Variants in CLNK observed in about 807,000 individuals in gnomAD.
CLNK encodes cytokine dependent hematopoietic cell linker, also known as cytokine-dependent hematopoietic cell linker.
CLNK carries 74 observed loss-of-function variants against 68.6 expected under a neutral mutation model. The observed-to-expected ratio is 1.08, with a 90% confidence interval of 0.89 to 1.31. The LOEUF is 1.31. Ranked by LOEUF, CLNK falls within the 50% of genes most tolerant of loss-of-function variation. The pLI, the probability that CLNK is intolerant of heterozygous loss-of-function variation, is 0.00. For missense variants in CLNK, 553 were observed against 515.3 expected (o/e 1.07, Z -0.71); for synonymous variants, 198 against 172.2 (o/e 1.15, Z -1.17).
In CLNK at chr4:10,513,471, T is replaced by A; in HGVS notation, c.899A>T (p.Asp300Val). Residue 300 changes from aspartate (D) to valine (V), a missense_variant, in exon 16 of 19, where the codon GAT (aspartate) becomes GTT (valine). Asp to Val is a radical substitution (Grantham distance 152, BLOSUM62 -3). Transcript: ENST00000226951. ...SWRPPFPKRS[D>V]RKDVQHNEWY... Reference sequence around the variant, plus strand: ...AGAGAAGTGTCTGCTTACCTTTCTATCAGACCTTTTGGGGAAAGGTGGTCT... The same window carrying A: ...AGAGAAGTGTCTGCTTACCTTTCTAACAGACCTTTTGGGGAAAGGTGGTCT... 5 of 1,611,446 alleles carry A rather than the reference T, an allele frequency of 3.1e-6. No individual in the cohort carries two copies. Among genetic ancestry groups the A allele is most frequent in the Non-Finnish European group, 4.2e-6 (5 of 1,178,804 alleles).
intron 1 of CLNK, among the ~76,000 whole-genome samples, chr4:10,668,121 T>C (rs1724480006): frequency 6.6e-6 from 1 of 152,202 alleles, no homozygotes; most frequent in Non-Finnish European, 1.5e-5. Flanking sequence ...GTCCTCTTTC[T>C]GTCAGCATTC....
At chr4:10,606,552 G>A (rs916324400) in intron 2 of CLNK, among the ~76,000 whole-genome samples, 20 of 151,964 alleles carry the variant, frequency 1.3e-4, no homozygotes, top group African/African-American at 2.7e-4. Context: ...TGTACTTTAC[G>A]TAATTGTATG....
intron 3 of CLNK, among the ~76,000 whole-genome samples, chr4:10,593,905 G>A (rs573479740): frequency 6.6e-6 from 1 of 152,190 alleles, no homozygotes; most frequent in Non-Finnish European, 1.5e-5. Flanking sequence ...AGTAAAGGAT[G>A]GAAAGGAGAC....
chr4:10,686,610 C>T (rs1302847218), upstream of CLNK, among the ~76,000 whole-genome samples: 1 of 150,188 alleles, frequency 6.7e-6, no homozygotes, highest in African/African-American at 2.5e-5. Context: ...CCAGCCTTTT[C>T]CAGGCCTCTG....
At chr4:10,553,057 G>A (rs1719524680) in intron 8 of CLNK, among the ~76,000 whole-genome samples, 1 of 151,980 alleles carries the variant, frequency 6.6e-6, no homozygotes, top group Non-Finnish European at 1.5e-5. Flanking sequence ...GAGGAGGGGG[G>A]GGCATGCAGG....
At chr4:10,620,686 G>C (rs759289067) in intron 2 of CLNK, among the ~76,000 whole-genome samples, 1 of 152,000 alleles carries the variant, frequency 6.6e-6, no homozygotes, top group Non-Finnish European at 1.5e-5. Context: ...CTGTTCTATG[G>C]CTCCTAATTC....
chr4:10,684,237 G>A (rs906009409), intron 1 of CLNK, among the ~76,000 whole-genome samples: 2 of 152,136 alleles, frequency 1.3e-5, no homozygotes, highest in African/African-American at 4.8e-5. Context: ...TTTAGAAAAT[G>A]TTAAAAATAT....
chr4:10,561,064 T>A (rs1278372333), intron 7 of CLNK, among the ~76,000 whole-genome samples: 1 of 150,980 alleles, frequency 6.6e-6, no homozygotes, highest in Non-Finnish European at 1.5e-5. Flanking sequence ...GACCAGCTAT[T>A]TTTTTTTTAA....
intron 1 of CLNK, among the ~76,000 whole-genome samples, chr4:10,669,641 A>G (rs1724548437): frequency 6.6e-6 from 1 of 152,178 alleles, no homozygotes; most frequent in Non-Finnish European, 1.5e-5. Flanking sequence ...AAGGGATGGG[A>G]TCTGAACTTC....
chr4:10,626,328 A>T (rs1001581780), intron 2 of CLNK, among the ~76,000 whole-genome samples: 3 of 152,012 alleles, frequency 2.0e-5, no homozygotes, highest in African/African-American at 7.3e-5. Context: ...TTTCTCATTC[A>T]TGCTCTCCTT....
In CLNK at chr4:10,507,997, G is replaced by C; in HGVS notation, c.946C>G (p.Arg316Gly). The C allele has an allele frequency of 6.2e-7, 1 of 1,610,876 alleles. No individual in the cohort carries two copies. Among genetic ancestry groups the C allele is most frequent in the Non-Finnish European group, 8.5e-7 (1 of 1,178,638 alleles). The change falls in exon 17 of 19, where the codon CGC (arginine) becomes GGC (glycine). Residue 316 changes from arginine to glycine, a missense_variant. Transcript: ENST00000226951. ...HNEWYIGEYS[R>G]QAVEEAFMKE... The stretch of plus-strand genomic sequence containing the variant: ...ATGAATGCCTCTTCCACTGCCTGGC[G>C]GCTGTATTCTCCAATGTACCATTCA...
chr4:10,660,370 A>G (rs1238619125), intron 2 of CLNK, among the ~76,000 whole-genome samples: 2 of 152,268 alleles, frequency 1.3e-5, no homozygotes, highest in Non-Finnish European at 2.9e-5. Context: ...ATGATACTTC[A>G]AGTTAAAAAC....
rs1347686944 is a variant in CLNK at position 10,487,081 on chromosome 4, A to G, written c.*3386T>C. ...AATATCTGGAAAGCATAAATGCTGT[A>G]ATTGGATAAAGCTAAAATTCTATTA... On this transcript the variant is annotated 3_prime_UTR_variant, in exon 19 of 19. Transcript: ENST00000226951. 6.6e-6 allele frequency: 1 copy of G among 152,250 alleles called. No homozygotes were observed. The highest frequency in any genetic ancestry group is 1.5e-5 in the Non-Finnish European group (1 of 68,042). 9.4% of individuals were successfully genotyped at this position (152,250 alleles called of 1,614,324 possible). A position where few individuals can be genotyped will look rare whatever the true frequency, so the allele number is the denominator to read the frequency against.
At chr4:10,554,094 C>T (rs776500557) in intron 8 of CLNK, among the ~76,000 whole-genome samples, 6 of 152,148 alleles carry the variant, frequency 3.9e-5, no homozygotes, top group Non-Finnish European at 8.8e-5. Flanking sequence ...GCATGTAAGA[C>T]ATGCAGGTAT....
At chr4:10,545,691 G>C (rs150998675) in intron 8 of CLNK, among the ~76,000 whole-genome samples, 1 of 152,168 alleles carries the variant, frequency 6.6e-6, no homozygotes, top group African/African-American at 2.4e-5. Context: ...TATAGCTTTA[G>C]TGGGGGCTTT....
At chr4:10,595,314 G>T (rs1721345324) in intron 3 of CLNK, among the ~76,000 whole-genome samples, 1 of 152,186 alleles carries the variant, frequency 6.6e-6, no homozygotes, top group Non-Finnish European at 1.5e-5. Flanking sequence ...CATATTGGGT[G>T]CTCAGTTATT....
At chr4:10,597,393 G>T (rs1273683058) in intron 3 of CLNK, among the ~76,000 whole-genome samples, 1 of 152,172 alleles carries the variant, frequency 6.6e-6, no homozygotes, top group Non-Finnish European at 1.5e-5. Context: ...TCTCTAGTCA[G>T]TAATTCGATC....
At chr4:10,602,867 T>C (rs568721334) in intron 2 of CLNK, among the ~76,000 whole-genome samples, 97 of 152,308 alleles carry the variant, frequency 6.4e-4, no homozygotes, top group African/African-American at 2.2e-3. Context: ...GATGGTATAG[T>C]CAAGGAAGGC....
At chr4:10,608,949 A>C (rs1329644032) in intron 2 of CLNK, among the ~76,000 whole-genome samples, 1 of 152,164 alleles carries the variant, frequency 6.6e-6, no homozygotes, top group Non-Finnish European at 1.5e-5. Flanking sequence ...CATCTCTCTT[A>C]CATTTCTTCT....
Sources: gnomAD v4.1 joint callset for allele counts (sites outside exome capture counted in the v4.1 genomes callset) on GRCh38, gnomAD v4.1.1 for gene constraint, MANE v1.5 for transcripts, NCBI Gene and HGNC (gene_info 2026-07-23, HGNC 2026-07-21) for gene names.